The following TCF4 variants were observed in gnomAD, a reference collection of about 807,000 sequenced individuals.
TCF4 encodes SL3-3 enhancer factor 2.
TCF4 carries 3 observed loss-of-function variants against 82.1 expected under a neutral mutation model. That is an observed-to-expected ratio of 0.04 (90% CI 0.02 to 0.09). TCF4 has a LOEUF of 0.09. Among genes scored for constraint, TCF4 ranks in the 10% least tolerant of loss-of-function variants. The pLI is 1.00. For missense variants in TCF4, 518 were observed against 852.7 expected, an observed-to-expected ratio of 0.61 and a Z score of 4.89; for synonymous variants, 276 against 309.6, an observed-to-expected ratio of 0.89 and a Z score of 1.14.
chr18:55,371,137 A>C (rs887150653), intron 6 of TCF4, among the ~76,000 whole-genome samples: 3 of 152,284 alleles, frequency 2.0e-5, no homozygotes, highest in African/African-American at 7.2e-5. Flanking sequence ...AGGTCTCTGG[A>C]GGTATTTTTA....
intron 6 of TCF4, among the ~76,000 whole-genome samples, chr18:55,398,937 A>T (rs2093646886): frequency 6.6e-6 from 1 of 152,232 alleles, no homozygotes; most frequent in Non-Finnish European, 1.5e-5. Flanking sequence ...AGAGCTTCCC[A>T]GGAAGGATGC....
At chr18:55,623,531 T>A (rs1481141717) in intron 2 of TCF4, among the ~76,000 whole-genome samples, 4 of 152,200 alleles carry the variant, frequency 2.6e-5, no homozygotes. Context: ...ACATCACAAA[T>A]GAATACTATG....
rs542190767 is a variant in TCF4, at chr18:55,382,278, T to C, written c.369+21176A>G. Among the ~76,000 whole-genome samples the C allele has an allele frequency of 5.9e-5, 9 of 152,174 alleles. No homozygotes were observed. In the South Asian group the frequency reaches 1.9e-3, roughly 32 times the overall value. ...AAGTGATTAAAAAGGACATCACAGC[T>C]TTAGTCAGCATTGAAACAAAGAAGT... On this transcript the variant is annotated intron_variant, in intron 6 of 19. Coordinates refer to ENST00000354452, the MANE Select transcript of TCF4 (RefSeq NM_001083962.2).
At chr18:55,531,142 T>C (rs971932229) in intron 3 of TCF4, among the ~76,000 whole-genome samples, 10 of 151,834 alleles carry the variant, frequency 6.6e-5, no homozygotes, top group African/African-American at 2.4e-4. Flanking sequence ...TTAGTAGAGA[T>C]GGGGTTTCAC....
At chr18:55,331,531 A>C (rs1462214269) in intron 8 of TCF4, among the ~76,000 whole-genome samples, 1 of 152,220 alleles carries the variant, frequency 6.6e-6, no homozygotes, top group Non-Finnish European at 1.5e-5. Flanking sequence ...AAAGAGATTT[A>C]TTTCCTTCCT....
At position 55,257,629 on chromosome 18, in the gene TCF4, A is replaced by C. The variant is rs1453752251; in HGVS notation, c.1070-238T>G. The C allele has an allele frequency of 1.2e-5, 7 of 569,132 alleles. No homozygotes were observed. The Admixed American group carries it at 1.8e-4, about 15-fold the overall frequency. 35.3% of individuals were successfully genotyped at this position (569,132 alleles called of 1,614,324 possible). ...CCCCAGGCTGGCTGTCTCCTAAAAG[A>C]GAACATTTAATTGATTCTGAATTTT... On this transcript the variant is annotated intron_variant, in intron 13 of 19. Coordinates refer to ENST00000354452, the MANE Select transcript of TCF4 (RefSeq NM_001083962.2).
intron 3 of TCF4, among the ~76,000 whole-genome samples, chr18:55,527,747 C>T (rs1368077036): frequency 1.1e-4 from 17 of 151,946 alleles, no homozygotes; most frequent in Non-Finnish European, 1.5e-5. Flanking sequence ...CTTGAAAATC[C>T]AAGAATTTTT....
intron 3 of TCF4, among the ~76,000 whole-genome samples, chr18:55,474,124 C>T (rs903232271): frequency 4.6e-5 from 7 of 152,158 alleles, no homozygotes; most frequent in Non-Finnish European, 8.8e-5. Context: ...AAATCTACCT[C>T]CACATGTATT....
intron 13 of TCF4, 98 bp downstream of exon 13, chr18:55,259,850 TG>T (rs750738153): frequency 3.0e-6 from 3 of 1,007,774 alleles, no homozygotes; most frequent in Non-Finnish European, 4.8e-6. Context: ...CTTTGGGATT[TG>T]GGGGGAAGTG....
At chr18:55,450,385 GA>G (rs1299660142) in intron 5 of TCF4, among the ~76,000 whole-genome samples, 1 of 152,184 alleles carries the variant, frequency 6.6e-6, no homozygotes, top group Non-Finnish European at 1.5e-5. Context: ...TCAAGAAGAT[GA>G]AAAATGTTCG....
intron 3 of TCF4, among the ~76,000 whole-genome samples, chr18:55,531,933 C>T (rs1182412449): frequency 2.0e-5 from 3 of 152,138 alleles, no homozygotes; most frequent in South Asian, 2.1e-4. Context: ...ATTTTTATTT[C>T]GGCTTCTTGC....
chr18:55,240,519 C>CAA (rs1270774670), intron 15 of TCF4, among the ~76,000 whole-genome samples: 1 of 152,142 alleles, frequency 6.6e-6, no homozygotes, highest in East Asian at 1.9e-4. Context: ...CCATTTAGTA[C>CAA]AAAAGTGCAT....
rs1235936540 is a variant in TCF4, at chr18:55,295,064, T to A, written c.550-15408A>T. 2.6e-5 allele frequency among the ~76,000 whole-genome samples: 4 copies of A among 152,160 alleles called. No homozygotes were observed. The East Asian group carries it at 7.7e-4, about 29-fold the overall frequency. On this transcript the variant is annotated intron_variant, in intron 8 of 19. Coordinates refer to ENST00000354452, the MANE Select transcript of TCF4 (RefSeq NM_001083962.2). ...AGAATCAAAAACAGGTTGGACTGACTTATAAGGAGGCACAATCCAGAATGC... is the reference window on the plus strand; with the variant it reads ...AGAATCAAAAACAGGTTGGACTGACATATAAGGAGGCACAATCCAGAATGC...
chr18:55,521,866 C>T (rs1373467388), intron 3 of TCF4, among the ~76,000 whole-genome samples: 1 of 152,146 alleles, frequency 6.6e-6, no homozygotes. Flanking sequence ...CCTTCCTGAA[C>T]CAGTATGGTT....
intron 2 of TCF4, among the ~76,000 whole-genome samples, chr18:55,607,396 G>A (rs1009910379): frequency 7.2e-5 from 11 of 152,200 alleles, no homozygotes; most frequent in African/African-American, 2.4e-4. Flanking sequence ...ATAAGGTGGA[G>A]TGGAGATTTC....
At chr18:55,589,173 CT>C, upstream of TCF4, 6 of 728,520 alleles carry the variant, frequency 8.2e-6, no homozygotes, top group Non-Finnish European at 1.0e-5. Context: ...CATGCACACA[CT>C]TTTTCCCATT....
intron 8 of TCF4, among the ~76,000 whole-genome samples, chr18:55,336,708 G>A (rs2078716027): frequency 6.6e-6 from 1 of 151,960 alleles, no homozygotes; most frequent in African/African-American, 2.4e-5. Flanking sequence ...TTAGTCAAAG[G>A]GACATGTACC....
At chr18:55,558,074 T>G (rs2097320318) in intron 3 of TCF4, among the ~76,000 whole-genome samples, 1 of 152,022 alleles carries the variant, frequency 6.6e-6, no homozygotes. Context: ...TAGCTGGGCA[T>G]GGTGGCATAC....
intron 8 of TCF4, among the ~76,000 whole-genome samples, chr18:55,328,038 A>T (rs1464211334): frequency 6.6e-6 from 1 of 152,174 alleles, no homozygotes; most frequent in Non-Finnish European, 1.5e-5. Flanking sequence ...CACCCTGCAA[A>T]CAAGGTAAAA....
Sources: gnomAD v4.1 joint callset for allele counts (sites outside exome capture counted in the v4.1 genomes callset) on GRCh38, gnomAD v4.1.1 for gene constraint, MANE v1.5 for transcripts, NCBI Gene and HGNC (gene_info 2026-07-23, HGNC 2026-07-21) for gene names.